The following GRM1 variants were observed in gnomAD, a reference collection of about 807,000 sequenced individuals.
The protein encoded by GRM1 is glutamate metabotropic receptor 1.
GRM1 carries 33 observed loss-of-function variants against 90.9 expected under a neutral mutation model. The observed-to-expected ratio is 0.36, with a 90% CI of 0.28 to 0.49. GRM1 has a LOEUF of 0.49. Ranked by LOEUF, GRM1 falls within the 20% of genes least tolerant of loss-of-function variation. The pLI is 0.99. For missense variants in GRM1, 1,190 were observed against 1,534.3 expected (o/e 0.78, Z 3.75); for synonymous variants, 700 against 613.2 (o/e 1.14, Z -2.09).
chr6:146,367,082 G>A (rs571622467), intron 5 of GRM1, among the ~76,000 whole-genome samples: 2 of 152,234 alleles, frequency 1.3e-5, no homozygotes, highest in South Asian at 4.1e-4. Context: ...TTTGTATATA[G>A]TGAGAAATAG....
intron 1 of GRM1, among the ~76,000 whole-genome samples, chr6:146,067,184 C>T (rs6570736): frequency 0.37 from 56,688 of 151,942 alleles, 11,298 homozygotes; most frequent in Middle Eastern, 0.51. Flanking sequence ...ATTGATCTCA[C>T]GTTAGCAAAA....
chr6:146,193,805 C>T (rs1331646496), intron 2 of GRM1, among the ~76,000 whole-genome samples: 4 of 151,986 alleles, frequency 2.6e-5, no homozygotes, highest in African/African-American at 9.7e-5. Context: ...TGATGGAGAC[C>T]TATGTAGTTT....
chr6:146,148,907 G>A (rs1042772856), intron 1 of GRM1, among the ~76,000 whole-genome samples: 2 of 152,112 alleles, frequency 1.3e-5, no homozygotes, highest in Non-Finnish European at 2.9e-5. Context: ...TACCACATAG[G>A]TAAGGATAGT....
At chr6:146,194,775 C>T (rs995868262) in intron 2 of GRM1, among the ~76,000 whole-genome samples, 5 of 152,220 alleles carry the variant, frequency 3.3e-5, no homozygotes, top group Non-Finnish European at 4.4e-5. Context: ...CTCTTTGCTT[C>T]GGTTCAACTG....
At chr6:146,277,560 A>C (rs1782419664) in intron 2 of GRM1, among the ~76,000 whole-genome samples, 1 of 152,226 alleles carries the variant, frequency 6.6e-6, no homozygotes, top group East Asian at 1.9e-4. Flanking sequence ...AGACTTTGGC[A>C]AATGTTTTTA....
At chr6:146,292,900 C>T (rs929940193) in intron 2 of GRM1, among the ~76,000 whole-genome samples, 2 of 151,864 alleles carry the variant, frequency 1.3e-5, no homozygotes, top group Non-Finnish European at 2.9e-5. Context: ...ATAAACAAAT[C>T]GTAGTATACT....
At chr6:146,370,229 T>G (rs1361473875) in intron 5 of GRM1, among the ~76,000 whole-genome samples, 1 of 152,058 alleles carries the variant, frequency 6.6e-6, no homozygotes, top group Non-Finnish European at 1.5e-5. Flanking sequence ...GTATCTAACT[T>G]TGTTCCCTAG....
At chr6:146,184,016 T>C (rs1778637318) in intron 2 of GRM1, among the ~76,000 whole-genome samples, 1 of 152,072 alleles carries the variant, frequency 6.6e-6, no homozygotes, top group Admixed American at 6.6e-5. Flanking sequence ...CTGAGAACCC[T>C]GAAGCATTGT....
At chr6:146,236,229 GT>G (rs1258026683) in intron 2 of GRM1, among the ~76,000 whole-genome samples, 2 of 152,144 alleles carry the variant, frequency 1.3e-5, no homozygotes, top group East Asian at 3.9e-4. Flanking sequence ...CCAAAATACT[GT>G]CATTATGACA....
rs753190249 is a variant in GRM1, at chr6:146,159,572, G to A, written c.925G>A (p.Val309Met). Residue 309 changes from valine (V) to methionine (M), a missense_variant, in exon 2 of 8, where the codon GTG becomes ATG. Physicochemically the swap from Val to Met is conservative, Grantham distance 21 (BLOSUM62 1). Transcript: ENST00000282753. ...LLSAMRRLGV[V>M]GEFSLIGSDG... ...GAGCGCCATGCGGCGCCTTGGCGTC[G>A]TGGGCGAGTTCTCACTCATTGGAAG... 1.9e-6 allele frequency: 3 copies of A among 1,613,194 alleles called. No homozygotes were observed. In the African/African-American group the frequency reaches 4.0e-5, roughly 22 times the overall value.
intron 1 of GRM1, among the ~76,000 whole-genome samples, chr6:146,125,150 GC>G (rs370135364): frequency 7.2e-4 from 109 of 152,186 alleles, no homozygotes; most frequent in African/African-American, 2.6e-3. Context: ...CTGGAATTAA[GC>G]TTGAAACTAT....
At chr6:146,104,169 G>C (rs186205198) in intron 1 of GRM1, among the ~76,000 whole-genome samples, 22 of 152,298 alleles carry the variant, frequency 1.4e-4, no homozygotes, top group Non-Finnish European at 1.6e-4. Flanking sequence ...AGCTGGGCGC[G>C]GTGGCTTACG....
chr6:146,358,878 A>G (rs910756788), intron 5 of GRM1, among the ~76,000 whole-genome samples: 2 of 152,226 alleles, frequency 1.3e-5, no homozygotes, highest in Non-Finnish European at 2.9e-5. Context: ...TCCTAGTTTT[A>G]GGTATCTTGT....
chr6:146,098,471 A>G (rs1776942494), intron 1 of GRM1, among the ~76,000 whole-genome samples: 1 of 152,004 alleles, frequency 6.6e-6, no homozygotes, highest in Non-Finnish European at 1.5e-5. Flanking sequence ...TTTTTTAGGT[A>G]TGGTCTTTTA....
At chr6:146,374,001 G>GTAA (rs1776000321) in intron 5 of GRM1, among the ~76,000 whole-genome samples, 1 of 152,150 alleles carries the variant, frequency 6.6e-6, no homozygotes, top group South Asian at 2.1e-4. Context: ...CTGTGGGTCT[G>GTAA]TAATACATGG....
chr6:146,431,743 A>G (rs1009177695), intron 7 of GRM1, among the ~76,000 whole-genome samples: 2 of 152,094 alleles, frequency 1.3e-5, no homozygotes, highest in African/African-American at 4.8e-5. Flanking sequence ...TTTTCATTGC[A>G]ATTTAAAATG....
intron 2 of GRM1, among the ~76,000 whole-genome samples, chr6:146,191,645 G>GT (rs1188265805): frequency 6.6e-6 from 1 of 152,050 alleles, no homozygotes; most frequent in African/African-American, 2.4e-5. Flanking sequence ...AATCCTTTCT[G>GT]TTTTCTATCT....
rs1778527305 is a variant in GRM1, at chr6:146,434,479, G to T, written c.3268G>T (p.Val1090Phe). 6.2e-7 allele frequency: 1 copy of T among 1,614,064 alleles called. No homozygotes were observed. Among genetic ancestry groups the T allele is most frequent in the African/African-American group, 1.3e-5 (1 of 75,062 alleles). ...LQLSTFGEEL[V>F]SPPADDDDDS... ...GCTGAGCACCTTTGGGGAGGAGCTG[G>T]TCTCCCCGCCCGCGGACGACGACGA... is the stretch of plus-strand genomic sequence containing the variant. The change falls in exon 8 of 8, where the codon GTC becomes TTC. Residue 1090 changes from valine to phenylalanine, a missense_variant. By Grantham distance (50) the Val-to-Phe change is conservative. This residue lies in a region of GRM1 where 400 missense variants were observed against 360.8 expected (regional missense o/e 1.11). Transcript: ENST00000282753.
At chr6:146,131,365 C>T (rs1443421923) in intron 1 of GRM1, among the ~76,000 whole-genome samples, 4 of 151,882 alleles carry the variant, frequency 2.6e-5, no homozygotes, top group Non-Finnish European at 4.4e-5. Context: ...GTGTTATCCC[C>T]AAAATTAGGA....
Sources: gnomAD v4.1 joint callset for allele counts (sites outside exome capture counted in the v4.1 genomes callset) on GRCh38, gnomAD v4.1.1 for gene constraint, gnomAD v4.1.1 regional missense constraint, MANE v1.5 for transcripts, NCBI Gene and HGNC (gene_info 2026-07-23, HGNC 2026-07-21) for gene names.